The following MAP7 variants were observed in gnomAD, a reference collection of about 807,000 sequenced individuals.
MAP7 encodes the protein ensconsin.
MAP7 carries 52 observed loss-of-function variants against 94.8 expected under a neutral mutation model. That is an observed-to-expected ratio of 0.55 (90% confidence interval 0.44 to 0.69). The LOEUF (loss-of-function observed/expected upper bound fraction) is 0.69. MAP7 is among the 30% of genes least tolerant of loss of function. MAP7 has a pLI of 0.00. For missense variants in MAP7, 940 were observed against 964.6 expected (o/e 0.97, Z 0.34); for synonymous variants, 350 against 357.0 (o/e 0.98, Z 0.22).
intron 1 of MAP7, among the ~76,000 whole-genome samples, chr6:136,424,803 C>T (rs182544464): frequency 6.6e-6 from 1 of 152,352 alleles, no homozygotes; most frequent in East Asian, 1.9e-4. Flanking sequence ...ACACGTCTGA[C>T]TATAACCTTT....
chr6:136,435,107 A>G (rs1796031260), intron 1 of MAP7, among the ~76,000 whole-genome samples: 1 of 152,220 alleles, frequency 6.6e-6, no homozygotes. Flanking sequence ...ATTTTATGTG[A>G]CCATTTCATA....
At chr6:136,462,320 T>C (rs1020704626) in intron 1 of MAP7, among the ~76,000 whole-genome samples, 3 of 152,218 alleles carry the variant, frequency 2.0e-5, no homozygotes, top group Non-Finnish European at 4.4e-5. Context: ...AGACTATAAA[T>C]GGTAAATCTC....
At chr6:136,439,207 G>A (rs566044935) in intron 1 of MAP7, among the ~76,000 whole-genome samples, 60 of 152,294 alleles carry the variant, frequency 3.9e-4, no homozygotes, top group African/African-American at 1.4e-3. Flanking sequence ...GGGGCCTTCA[G>A]GTGATTAAGT....
chr6:136,484,320 G>C (rs952602652), intron 1 of MAP7, among the ~76,000 whole-genome samples: 4 of 152,204 alleles, frequency 2.6e-5, no homozygotes, highest in Non-Finnish European at 5.9e-5. Context: ...GTAAAGTATA[G>C]TAATTTTGAA....
intron 9 of MAP7, 101 bp from the exon 10 acceptor site, chr6:136,366,119 T>A: frequency 1.6e-6 from 2 of 1,270,014 alleles, no homozygotes; most frequent in Non-Finnish European, 2.1e-6. Context: ...GATATTTAGC[T>A]CCGTGTATTT....
At chr6:136,409,023 A>T (rs1186026648) in intron 3 of MAP7, among the ~76,000 whole-genome samples, 2 of 152,102 alleles carry the variant, frequency 1.3e-5, no homozygotes, top group Non-Finnish European at 2.9e-5. Flanking sequence ...GCCTCTCAAG[A>T]CTTAGTTCTA....
intron 2 of MAP7, among the ~76,000 whole-genome samples, chr6:136,416,800 C>T (rs374258972): frequency 1.4e-3 from 208 of 146,866 alleles, no homozygotes; most frequent in African/African-American, 4.9e-3. Flanking sequence ...GACGAGACTA[C>T]GTCTCAAAAA....
intron 3 of MAP7, among the ~76,000 whole-genome samples, chr6:136,407,289 C>T (rs1043044030): frequency 2.0e-5 from 3 of 152,026 alleles, no homozygotes; most frequent in African/African-American, 7.3e-5. Flanking sequence ...GAGATACAAA[C>T]CAGAGATAGA....
At chr6:136,499,850 G>T (rs1819353763) in intron 1 of MAP7, among the ~76,000 whole-genome samples, 1 of 152,016 alleles carries the variant, frequency 6.6e-6, no homozygotes, top group Non-Finnish European at 1.5e-5. Flanking sequence ...ATTAAAATGA[G>T]CTGGGCATGG....
At chr6:136,347,118 T>C (rs1787921787) in intron 16 of MAP7, among the ~76,000 whole-genome samples, 1 of 152,264 alleles carries the variant, frequency 6.6e-6, no homozygotes, top group Non-Finnish European at 1.5e-5. Context: ...TGTTATAGGC[T>C]TATTATTATG....
intron 3 of MAP7, among the ~76,000 whole-genome samples, chr6:136,392,707 C>T (rs1039360907): frequency 2.6e-5 from 4 of 152,100 alleles, no homozygotes; most frequent in Non-Finnish European, 5.9e-5. Flanking sequence ...TCATACTGTC[C>T]TCTGTGGAGG....
chr6:136,372,511 T>C lies in MAP7; in HGVS notation c.866A>G (p.His289Arg). The C allele has an allele frequency of 2.5e-6, 4 of 1,614,074 alleles. No homozygotes were observed. The highest frequency in any genetic ancestry group is 3.4e-6 in the Non-Finnish European group (4 of 1,180,016). Residue 289 changes from histidine (H) to arginine (R), a missense_variant, in exon 8 of 18, where the codon CAT becomes CGT. By Grantham distance (29) the His-to-Arg change is conservative. Coordinates refer to ENST00000354570, the MANE Select transcript of MAP7 (RefSeq NM_003980.6). ...PEGSSRRRIIHGTASYKKERE... is the reference protein window; with the variant it reads ...PEGSSRRRIIRGTASYKKERE... ...CCAACAGCTACTCACCGCTGTGCCA[T>C]GAATGATCCTCCTGCGAGAAGAGCC...
intron 1 of MAP7, among the ~76,000 whole-genome samples, chr6:136,518,025 C>T (rs922936118): frequency 3.9e-5 from 6 of 152,170 alleles, no homozygotes; most frequent in African/African-American, 9.7e-5. Context: ...CTCCAAGACA[C>T]CTCTTGGTCA....
intron 11 of MAP7, among the ~76,000 whole-genome samples, 183 bp downstream of exon 11, chr6:136,362,267 A>G (rs1161854665): frequency 6.6e-6 from 1 of 152,170 alleles, no homozygotes; most frequent in Non-Finnish European, 1.5e-5. Flanking sequence ...TTTAAAAAAA[A>G]GAAGAAGATG....
chr6:136,379,639 C>A (rs754626824), intron 6 of MAP7, among the ~76,000 whole-genome samples: 2 of 152,200 alleles, frequency 1.3e-5, no homozygotes, highest in African/African-American at 2.4e-5. Context: ...AAGTTAAACT[C>A]TTCCTTTTCT....
intron 3 of MAP7, among the ~76,000 whole-genome samples, chr6:136,406,167 A>G (rs1785534953): frequency 2.0e-5 from 3 of 152,206 alleles, no homozygotes; most frequent in African/African-American, 7.2e-5. Context: ...ATCGGTAACC[A>G]GGATCGATTC....
chr6:136,495,516 C>A (rs1168127675), intron 1 of MAP7, among the ~76,000 whole-genome samples: 4 of 151,846 alleles, frequency 2.6e-5, no homozygotes. Context: ...CATATCTAAT[C>A]CAAAAAACCA....
At chr6:136,508,209 C>T (rs886307626) in intron 1 of MAP7, among the ~76,000 whole-genome samples, 1 of 152,078 alleles carries the variant, frequency 6.6e-6, no homozygotes, top group African/African-American at 2.4e-5. Flanking sequence ...CCTGTACTCT[C>T]AGCTACATGG....
chr6:136,469,320 C>A (rs989142979), intron 1 of MAP7, among the ~76,000 whole-genome samples: 6 of 144,906 alleles, frequency 4.1e-5, no homozygotes, highest in African/African-American at 1.5e-4. Context: ...CCTTCCTCTT[C>A]TTCCTTCCTT....
Sources: allele counts gnomAD v4.1 joint callset (sites outside exome capture counted in the v4.1 genomes callset), GRCh38; gene constraint gnomAD v4.1.1; transcripts MANE v1.5; gene names NCBI Gene and HGNC (gene_info 2026-07-23, HGNC 2026-07-21).